KSR2: variants seen among roughly 807,000 people sequenced by gnomAD.
The protein encoded by KSR2 is kinase suppressor of ras 2.
Under a neutral mutation model 107.8 loss-of-function variants are expected in KSR2, and 25 were observed. The observed-to-expected ratio is 0.23, with a 90% confidence interval of 0.17 to 0.32. The LOEUF is 0.32. Among genes scored for constraint, KSR2 ranks in the 10% least tolerant of loss-of-function variants. The pLI, the probability that KSR2 is intolerant of heterozygous loss-of-function variation, is 1.00. For synonymous variants in KSR2, 480 were observed against 507.0 expected (o/e 0.95, Z 0.71); for missense variants, 887 against 1,268.9 (o/e 0.70, Z 4.57).
At chr12:117,478,259 A>G (rs143281695) in intron 16 of KSR2, among the ~76,000 whole-genome samples, 6 of 152,258 alleles carry the variant, frequency 3.9e-5, no homozygotes, top group African/African-American at 1.4e-4. Flanking sequence ...TCCCATAATC[A>G]TGATTTTTGC....
At chr12:117,618,589 C>A (rs558835997) in intron 5 of KSR2, among the ~76,000 whole-genome samples, 1 of 152,006 alleles carries the variant, frequency 6.6e-6, no homozygotes, top group African/African-American at 2.4e-5. Flanking sequence ...GTGGGAGGGA[C>A]CCAGTAGGAG....
At chr12:117,909,668 C>A (rs963644135) in intron 1 of KSR2, among the ~76,000 whole-genome samples, 12 of 151,544 alleles carry the variant, frequency 7.9e-5, no homozygotes, top group African/African-American at 2.9e-4. Flanking sequence ...TTTGGGAGGC[C>A]AAGGCAAGTG....
At chr12:117,625,694 G>A (rs1238085971) in intron 5 of KSR2, among the ~76,000 whole-genome samples, 1 of 152,164 alleles carries the variant, frequency 6.6e-6, no homozygotes, top group Non-Finnish European at 1.5e-5. Flanking sequence ...CCAGGCTTTG[G>A]TATCAGGATG....
intron 9 of KSR2, among the ~76,000 whole-genome samples, chr12:117,546,605 C>A (rs1159744423): frequency 1.3e-5 from 2 of 152,162 alleles, no homozygotes; most frequent in African/African-American, 4.8e-5. Flanking sequence ...ACCGATGACA[C>A]CAATGTTAGA....
At chr12:117,554,889 C>G (rs1366241781) in intron 9 of KSR2, among the ~76,000 whole-genome samples, 2 of 152,174 alleles carry the variant, frequency 1.3e-5, no homozygotes, top group Non-Finnish European at 2.9e-5. Flanking sequence ...AAGGAAACTC[C>G]TTTTAAGTCT....
intron 8 of KSR2, among the ~76,000 whole-genome samples, chr12:117,557,558 G>T (rs1175689569): frequency 2.6e-5 from 4 of 152,208 alleles, no homozygotes; most frequent in Non-Finnish European, 5.9e-5. Flanking sequence ...CACGGACAGT[G>T]CTTTGAATAG....
chr12:117,661,804 T>C (rs1434362129), intron 5 of KSR2, among the ~76,000 whole-genome samples: 1 of 152,168 alleles, frequency 6.6e-6, no homozygotes, highest in Non-Finnish European at 1.5e-5. Context: ...TAGAACCTGG[T>C]TTAAATTGTG....
chr12:117,617,721 G>C (rs1294690146), intron 5 of KSR2, among the ~76,000 whole-genome samples: 1 of 152,180 alleles, frequency 6.6e-6, no homozygotes, highest in Non-Finnish European at 1.5e-5. Flanking sequence ...GGGAATGAGA[G>C]AACATTTTGA....
At chr12:117,542,278 G>A (rs535495779) in intron 9 of KSR2, among the ~76,000 whole-genome samples, 128 of 152,218 alleles carry the variant, frequency 8.4e-4, no homozygotes, top group African/African-American at 3.0e-3. Context: ...CACCTCCTTC[G>A]TATTGAGTAG....
intron 1 of KSR2, 69 bp downstream of exon 1, chr12:117,968,007 A>G: frequency 7.3e-7 from 1 of 1,366,070 alleles, no homozygotes; most frequent in Non-Finnish European, 1.0e-6. Context: ...CGTGGGGAGA[A>G]AGGAGGGGGA....
At chr12:117,865,927 T>A (rs907515685) in intron 1 of KSR2, among the ~76,000 whole-genome samples, 7 of 152,110 alleles carry the variant, frequency 4.6e-5, no homozygotes, top group Non-Finnish European at 8.8e-5. Flanking sequence ...CACTTTCTTC[T>A]CTGTCCAAAT....
At chr12:117,902,951 A>T (rs1339213967) in intron 1 of KSR2, among the ~76,000 whole-genome samples, 1 of 152,140 alleles carries the variant, frequency 6.6e-6, no homozygotes, top group Non-Finnish European at 1.5e-5. Flanking sequence ...AACCTCTCTG[A>T]GTCTCTGAAA....
intron 3 of KSR2, among the ~76,000 whole-genome samples, chr12:117,806,652 T>C (rs912720483): frequency 6.6e-6 from 1 of 152,088 alleles, no homozygotes; most frequent in African/African-American, 2.4e-5. Flanking sequence ...GACCCACTAA[T>C]AACAGTCACT....
intron 7 of KSR2, among the ~76,000 whole-genome samples, chr12:117,562,785 C>T (rs1486820965): frequency 2.0e-5 from 3 of 152,056 alleles, no homozygotes; most frequent in Admixed American, 6.6e-5. Context: ...AGTGGGAGAC[C>T]GAACACTCTT....
intron 14 of KSR2, among the ~76,000 whole-genome samples, chr12:117,496,443 T>C (rs1204113520): frequency 6.6e-6 from 1 of 152,174 alleles, no homozygotes; most frequent in Non-Finnish European, 1.5e-5. Flanking sequence ...CTCCTAACGA[T>C]GGGGCTGCAC....
At chr12:117,596,917 A>ATAAACACTTCATATC (rs1880682506) in intron 5 of KSR2, among the ~76,000 whole-genome samples, 1 of 152,238 alleles carries the variant, frequency 6.6e-6, no homozygotes. Flanking sequence ...TGGTTCGCAG[A>ATAAACACTTCATATC]TAAACACTTC....
At chr12:117,696,640 G>T (rs1184041001) in intron 4 of KSR2, among the ~76,000 whole-genome samples, 1 of 152,130 alleles carries the variant, frequency 6.6e-6, no homozygotes, top group Non-Finnish European at 1.5e-5. Flanking sequence ...TAAAGGCATT[G>T]CATTGGGTTG....
intron 5 of KSR2, among the ~76,000 whole-genome samples, chr12:117,629,216 C>A (rs1729478657): frequency 6.6e-6 from 1 of 152,352 alleles, no homozygotes; most frequent in East Asian, 1.9e-4. Flanking sequence ...GCCCACTGTC[C>A]AACCAGTCCC....
chr12:117,630,961 G>A (rs368395006), intron 5 of KSR2, among the ~76,000 whole-genome samples: 1 of 152,174 alleles, frequency 6.6e-6, no homozygotes. Context: ...TGAGCTCTGT[G>A]AGAAGTAAAA....
Sources: allele counts gnomAD v4.1 joint callset (sites outside exome capture counted in the v4.1 genomes callset), GRCh38; gene constraint gnomAD v4.1.1; transcripts MANE v1.5; gene names NCBI Gene and HGNC (gene_info 2026-07-23, HGNC 2026-07-21).